PLOD2: variants seen among roughly 807,000 people sequenced by gnomAD.
PLOD2 encodes procollagen-lysine,2-oxoglutarate 5-dioxygenase 2.
In PLOD2, 65 loss-of-function variants were observed where a neutral mutation model predicts 101.0. The observed-to-expected ratio is 0.64, with a 90% CI of 0.53 to 0.79. PLOD2 has a LOEUF of 0.79. Among genes scored for constraint, PLOD2 ranks in the 30% least tolerant of loss-of-function variants. The pLI, the probability that PLOD2 is intolerant of heterozygous loss-of-function variation, is 0.00. For missense variants in PLOD2, 909 were observed against 914.6 expected, an observed-to-expected ratio of 0.99 and a Z score of 0.08; for synonymous variants, 314 against 302.9, an observed-to-expected ratio of 1.04 and a Z score of -0.38.
In PLOD2 at chr3:146,156,568, A is replaced by C. The variant is rs559877413; in HGVS notation, c.109+4313T>G. 9.2e-5 allele frequency among the ~76,000 whole-genome samples: 14 copies of C among 152,374 alleles called. No homozygotes were observed. The East Asian group carries it at 2.7e-3, about 29-fold the overall frequency. ...CTGTTAGTTCACAGACCACACAAAC[A>C]CAGGTAGCTGTTTGGGGTCTGCTAG... On this transcript the variant is annotated intron_variant, in intron 1 of 19. Coordinates refer to ENST00000282903, the MANE Select transcript of PLOD2 (RefSeq NM_182943.3).
At chr3:146,123,329 T>G (rs1219639313) in intron 2 of PLOD2, 28 of 1,106,826 alleles carry the variant, frequency 2.5e-5, no homozygotes, top group Non-Finnish European at 3.2e-5. Context: ...CTTCTTTCTA[T>G]TAAAAAAAAC....
At chr3:146,155,730 A>G (rs908383966) in intron 1 of PLOD2, among the ~76,000 whole-genome samples, 1 of 151,760 alleles carries the variant, frequency 6.6e-6, no homozygotes, top group East Asian at 1.9e-4. Context: ...AAAAAAAAAA[A>G]AAGAAAAAAG....
chr3:146,077,636 C>A, intron 14 of PLOD2: 1 of 430,266 alleles, frequency 2.3e-6, no homozygotes, highest in South Asian at 4.9e-5. Flanking sequence ...AACTTTGTCA[C>A]CTGTCAGCCA....
chr3:146,147,406 C>G (rs1008622680), intron 1 of PLOD2, among the ~76,000 whole-genome samples: 1 of 152,126 alleles, frequency 6.6e-6, no homozygotes. Flanking sequence ...ATAATAAATA[C>G]ATTTGGAAAT....
chr3:146,126,471 G>A (rs533902870), intron 1 of PLOD2, among the ~76,000 whole-genome samples: 56 of 152,088 alleles, frequency 3.7e-4, no homozygotes, highest in Non-Finnish European at 6.5e-4. Flanking sequence ...AACTGGATAC[G>A]TACTTTTCAG....
chr3:146,091,162 T>C (rs1451506239), intron 8 of PLOD2, among the ~76,000 whole-genome samples: 3 of 151,806 alleles, frequency 2.0e-5, no homozygotes, highest in African/African-American at 7.2e-5. Flanking sequence ...GCCTAGAATA[T>C]ACACATCACA....
intron 1 of PLOD2, among the ~76,000 whole-genome samples, chr3:146,156,423 T>A (rs141017025): frequency 4.9e-4 from 74 of 152,358 alleles, no homozygotes; most frequent in African/African-American, 1.5e-3. Context: ...AGCCAGACAA[T>A]AAGTAAACAA....
chr3:146,111,316 A>AT, intron 3 of PLOD2, among the ~76,000 whole-genome samples: 2 of 152,322 alleles, frequency 1.3e-5, no homozygotes, highest in South Asian at 4.1e-4. Flanking sequence ...AGCTAACAGC[A>AT]TAATTGTAAA....
At chr3:146,119,489 C>A (rs531806868) in intron 3 of PLOD2, among the ~76,000 whole-genome samples, 4 of 151,802 alleles carry the variant, frequency 2.6e-5, no homozygotes, top group Non-Finnish European at 5.9e-5. Context: ...ATGTGCACAA[C>A]GTGCAGGTTA....
rs1936057915 is a variant in PLOD2, at chr3:146,069,834, T to C, written c.*883A>G. ...AGTACTTAAAAAGTTTTTTAAAAAATAATTAAATGCACTACTCATCTCAAT... is the reference window on the plus strand; with the variant it reads ...AGTACTTAAAAAGTTTTTTAAAAAACAATTAAATGCACTACTCATCTCAAT... On this transcript the variant is annotated 3_prime_UTR_variant, in exon 20 of 20. Transcript: ENST00000282903. 1 of 152,204 alleles carries C rather than the reference T, an allele frequency of 6.6e-6. No homozygotes were observed. Among genetic ancestry groups the C allele is most frequent in the Non-Finnish European group, 1.5e-5 (1 of 67,864 alleles). The allele number at this position is 152,204 out of a possible 1,614,324, so 9.4% of individuals were successfully genotyped here. A position where few individuals can be genotyped will look rare whatever the true frequency, so the allele number is the denominator to read the frequency against.
intron 1 of PLOD2, among the ~76,000 whole-genome samples, chr3:146,155,727 A>G (rs2108148993): frequency 6.6e-6 from 1 of 151,718 alleles, no homozygotes; most frequent in South Asian, 2.1e-4. Context: ...AAAAAAAAAA[A>G]AAAAAGAAAA....
chr3:146,105,618 C>A (rs760523592), intron 5 of PLOD2, among the ~76,000 whole-genome samples: 2 of 152,092 alleles, frequency 1.3e-5, no homozygotes, highest in Non-Finnish European at 2.9e-5. Context: ...TTCAAAATAC[C>A]AGAAAATGTG....
chr3:146,087,665 T>G (rs928181484), intron 9 of PLOD2, among the ~76,000 whole-genome samples: 2 of 151,770 alleles, frequency 1.3e-5, no homozygotes, highest in Non-Finnish European at 1.5e-5. Flanking sequence ...CAACATAGAG[T>G]TAATACTAAA....
intron 7 of PLOD2, among the ~76,000 whole-genome samples, chr3:146,101,001 T>C (rs903493701): frequency 2.0e-5 from 3 of 152,086 alleles, no homozygotes; most frequent in Non-Finnish European, 4.4e-5. Context: ...AAAACCAGCA[T>C]GCACAGGAGT....
chr3:146,141,825 G>A (rs2031538854), intron 1 of PLOD2, among the ~76,000 whole-genome samples: 1 of 152,046 alleles, frequency 6.6e-6, no homozygotes, highest in Non-Finnish European at 1.5e-5. Context: ...AATGGAAACT[G>A]CAGTAAAACT....
chr3:146,077,880 T>C lies in PLOD2; in HGVS notation c.1545A>G (p.Gln515=). The part of the protein sequence containing the change: ...EKDSPTPETF[Q]MLSPPKGVFM... Reference sequence around the variant, plus strand: ...ATAACACCTTTGGGGGGCTGAGCATTTGGAATGTTTCCGGAGTAGGGGAGT... The same window carrying C: ...ATAACACCTTTGGGGGGCTGAGCATCTGGAATGTTTCCGGAGTAGGGGAGT... Residue 515 remains glutamine, a synonymous_variant, in exon 14 of 20, where the codon CAA becomes CAG. Transcript: ENST00000282903. 6.3e-7 allele frequency: 1 copy of C among 1,596,046 alleles called. No homozygotes were observed. Among genetic ancestry groups the C allele is most frequent in the Non-Finnish European group, 8.6e-7 (1 of 1,165,128 alleles).
At chr3:146,155,355 A>G (rs1054363785) in intron 1 of PLOD2, among the ~76,000 whole-genome samples, 1 of 152,074 alleles carries the variant, frequency 6.6e-6, no homozygotes, top group Non-Finnish European at 1.5e-5. Context: ...TAATTAAATA[A>G]CAGTCTCTAT....
chr3:146,140,157 G>A lies in PLOD2; in HGVS notation c.110-15928C>T, dbSNP rs1028072598. 2.0e-5 allele frequency among the ~76,000 whole-genome samples: 3 copies of A among 151,866 alleles called. No individual in the cohort carries two copies. The East Asian group carries it at 5.8e-4, about 29-fold the overall frequency. On this transcript the variant is annotated intron_variant, in intron 1 of 19. Transcript: ENST00000282903. ...GACCCAGTGCACTGGGTCAGGTTAT[G>A]TCTGAAAGAGTCAATGTTTCATTTG... is the stretch of plus-strand genomic sequence containing the variant.
intron 1 of PLOD2, among the ~76,000 whole-genome samples, chr3:146,158,147 A>G (rs1205984930): frequency 6.6e-6 from 1 of 152,090 alleles, no homozygotes; most frequent in Non-Finnish European, 1.5e-5. Context: ...GAATACATCC[A>G]CCTTCTCCTT....
Sources: gnomAD v4.1 joint callset for allele counts (sites outside exome capture counted in the v4.1 genomes callset) on GRCh38, gnomAD v4.1.1 for gene constraint, MANE v1.5 for transcripts, NCBI Gene and HGNC (gene_info 2026-07-23, HGNC 2026-07-21) for gene names.